Variants in WNK3 observed in about 807,000 individuals in gnomAD.
WNK3 encodes serine/threonine-protein kinase WNK3.
In WNK3, 18 loss-of-function variants were observed where a neutral mutation model predicts 116.7. The observed-to-expected ratio is 0.15, with a 90% confidence interval of 0.11 to 0.23. WNK3 has a LOEUF of 0.23. WNK3 is among the 10% of genes least tolerant of loss of function. The pLI is 1.00. For synonymous variants in WNK3, 404 were observed against 469.4 expected, an observed-to-expected ratio of 0.86 and a Z score of 1.80; for missense variants, 993 against 1,323.8, an observed-to-expected ratio of 0.75 and a Z score of 3.88.
intron 19 of WNK3, 33 bp from the exon 20 acceptor site, chrX:54,237,584 A>G (rs1557150562): frequency 1.1e-5 from 13 of 1,133,161 alleles, no homozygotes; most frequent in Non-Finnish European, 1.5e-5. Context: ...TGGTTAGCAT[A>G]GCACAGACAA....
At chrX:54,326,650 T>C (rs920416626) in intron 2 of WNK3, among the ~76,000 whole-genome samples, 1 of 109,382 alleles carries the variant, frequency 9.1e-6, no homozygotes, top group African/African-American at 3.3e-5. Flanking sequence ...CCAAGCAACA[T>C]AGTGAGACCC....
chrX:54,288,270 A>C (rs2068602091), intron 10 of WNK3, among the ~76,000 whole-genome samples: 1 of 111,597 alleles, frequency 9.0e-6, no homozygotes, highest in African/African-American at 3.3e-5. Flanking sequence ...CTGTTCTTGC[A>C]ATGGATGTAT....
intron 10 of WNK3, among the ~76,000 whole-genome samples, chrX:54,279,972 C>A (rs1196365868): frequency 8.9e-6 from 1 of 112,492 alleles, no homozygotes; most frequent in Non-Finnish European, 1.9e-5. Context: ...CAACATTATA[C>A]TAGAAGTTCC....
At chrX:54,296,954 C>G (rs1315974693) in intron 7 of WNK3, among the ~76,000 whole-genome samples, 1 of 110,771 alleles carries the variant, frequency 9.0e-6, no homozygotes, top group Non-Finnish European at 1.9e-5. Flanking sequence ...CATATGGTAA[C>G]CAGACAACTA....
exon 9 of WNK3, chrX:54,293,235 C>T (rs1557165527): frequency 1.7e-6 from 2 of 1,210,740 alleles, no homozygotes; most frequent in East Asian, 5.9e-5. Context: ...ATTTGAGAGC[C>T]CATCGTTTGA....
intron 10 of WNK3, among the ~76,000 whole-genome samples, chrX:54,291,076 G>C (rs1250993827): frequency 9.0e-6 from 1 of 111,474 alleles, no homozygotes; most frequent in Non-Finnish European, 1.9e-5. Context: ...CACTTTGGGA[G>C]GCCGAGGCGG....
chrX:54,203,707 A>G (rs924978218), intron 22 of WNK3, among the ~76,000 whole-genome samples: 1 of 110,529 alleles, frequency 9.0e-6, no homozygotes, highest in Non-Finnish European at 1.9e-5. Context: ...ATAAATGCCA[A>G]CTGCTGAGGT....
In WNK3 at chrX:54,315,782, TTC is replaced by T. The variant is rs782697552; in HGVS notation, c.538-4493_538-4492del. Among the ~76,000 whole-genome samples, 3 of 112,027 alleles carry T rather than the reference TTC, an allele frequency of 2.7e-5. No homozygotes were observed. In the East Asian group the frequency reaches 8.4e-4, roughly 31 times the overall value. On this transcript the variant is annotated intron_variant, in intron 2 of 23. Coordinates refer to ENST00000354646, the Ensembl canonical transcript of WNK3. ...TATTTTCCCCTCATATTCAATCCTC[TTC>T]TGAGTCCTTGATTTACTCAGGGGAG...
At chrX:54,199,572 G>A (rs1327533669) in intron 23 of WNK3, among the ~76,000 whole-genome samples, 4 of 112,087 alleles carry the variant, frequency 3.6e-5, no homozygotes, top group Non-Finnish European at 5.6e-5. Context: ...GGTGGCTCAC[G>A]CCTGTAATCC....
At chrX:54,276,267 G>A (rs180903137) in intron 10 of WNK3, among the ~76,000 whole-genome samples, 22 of 110,647 alleles carry the variant, frequency 2.0e-4, no homozygotes, top group Non-Finnish European at 3.4e-4. Context: ...CCCAGGAGGC[G>A]GAGGTTGCAG....
At chrX:54,218,816 G>A (rs1485405137) in intron 22 of WNK3, among the ~76,000 whole-genome samples, 1 of 111,105 alleles carries the variant, frequency 9.0e-6, no homozygotes, top group Non-Finnish European at 1.9e-5. Flanking sequence ...CCCGGGAAGC[G>A]GAGGTTGCAG....
Position 54,214,641 on chromosome X carries a change from C to G in WNK3, c.4871-12448G>C, listed in dbSNP as rs186890624. Among the ~76,000 whole-genome samples, 587 of 111,770 alleles carry G rather than the reference C, an allele frequency of 5.3e-3. 3 individuals carry two copies. Among genetic ancestry groups the G allele is most frequent in the Non-Finnish European group, 8.3e-3 (443 of 53,187 alleles). On this transcript the variant is annotated intron_variant, in intron 22 of 23. Transcript: ENST00000354646. Reference sequence around the variant, plus strand: ...ATTCTCATTCCCCCTTGTTCCCCAGCTCAGCGTTGTGGTAGCCAACAAACA... The same window carrying G: ...ATTCTCATTCCCCCTTGTTCCCCAGGTCAGCGTTGTGGTAGCCAACAAACA...
intron 22 of WNK3, among the ~76,000 whole-genome samples, chrX:54,226,370 T>C (rs181327146): frequency 0.011 from 1,096 of 103,452 alleles, 14 homozygotes; most frequent in African/African-American, 0.037. Context: ...CTTAGGAGGC[T>C]GAGGCAGGAG....
rs782593781 is a variant in WNK3 at position 54,233,539 on chromosome X, G to A, written c.4629-519C>T. ...AATACAGAGTATTTTCACAATTTCC[G>A]GAGGGGAAGTGGGAAATGCCTTCCT... On this transcript the variant is annotated intron_variant, in intron 20 of 23. Transcript: ENST00000354646. Among the ~76,000 whole-genome samples, 10 of 109,619 alleles carry A rather than the reference G, an allele frequency of 9.1e-5. No individual in the cohort carries two copies. In the South Asian group the frequency reaches 2.4e-3, roughly 26 times the overall value.
intron 2 of WNK3, among the ~76,000 whole-genome samples, chrX:54,323,697 C>T (rs2069064527): frequency 9.0e-6 from 1 of 111,054 alleles, no homozygotes; most frequent in Non-Finnish European, 1.9e-5. Context: ...TTAAACAAAC[C>T]TATATTAAAC....
intron 15 of WNK3, among the ~76,000 whole-genome samples, chrX:54,250,989 T>G (rs1360994984): frequency 1.8e-5 from 2 of 111,847 alleles, no homozygotes; most frequent in African/African-American, 6.5e-5. Flanking sequence ...ATATCATTCA[T>G]CGTTAGTAGA....
At chrX:54,197,425 A>G (rs782480271) in exon 24 of WNK3, 1 of 111,915 alleles carries the variant, frequency 8.9e-6, no homozygotes, top group East Asian at 2.8e-4. Flanking sequence ...ATGACGGGAA[A>G]TCACATTTAA....
At chrX:54,278,208 T>C (rs1450341774) in intron 10 of WNK3, among the ~76,000 whole-genome samples, 2 of 110,019 alleles carry the variant, frequency 1.8e-5, no homozygotes, top group Non-Finnish European at 3.8e-5. Context: ...AATTACAAAA[T>C]GCTGATGAAA....
At chrX:54,219,207 CAAAA>C (rs1557146045) in intron 22 of WNK3, among the ~76,000 whole-genome samples, 1 of 110,747 alleles carries the variant, frequency 9.0e-6, no homozygotes, top group East Asian at 2.8e-4. Flanking sequence ...AAATCAAAGA[CAAAA>C]AGAAAATCTT....
Sources: gnomAD v4.1 joint callset for allele counts (sites outside exome capture counted in the v4.1 genomes callset) on GRCh38, gnomAD v4.1.1 for gene constraint, MANE v1.5 for transcripts, NCBI Gene and HGNC (gene_info 2026-07-23, HGNC 2026-07-21) for gene names.